Variants in SHOC1 observed in about 807,000 individuals in gnomAD.
SHOC1 encodes the protein protein shortage in chiasmata 1 ortholog.
SHOC1 carries 136 observed loss-of-function variants against 179.2 expected under a neutral mutation model. The observed-to-expected ratio is 0.76, with a 90% CI of 0.66 to 0.87. SHOC1 has a LOEUF of 0.87. Among genes scored for constraint, SHOC1 ranks in the 40% least tolerant of loss-of-function variants. SHOC1 has a pLI of 0.00. For synonymous variants in SHOC1, 489 were observed against 586.6 expected, an observed-to-expected ratio of 0.83 and a Z score of 2.41; for missense variants, 1,538 against 1,700.8, an observed-to-expected ratio of 0.90 and a Z score of 1.68.
intron 11 of SHOC1, among the ~76,000 whole-genome samples, chr9:111,739,545 A>C (rs1319421146): frequency 2.6e-5 from 4 of 152,120 alleles, no homozygotes; most frequent in Non-Finnish European, 5.9e-5. Context: ...ATTTTATATA[A>C]ATGGAATTAT....
intron 9 of SHOC1, 35 bp downstream of exon 9, chr9:111,748,057 C>G (rs750874927): frequency 2.2e-6 from 3 of 1,370,668 alleles, no homozygotes; most frequent in Admixed American, 3.4e-5. Flanking sequence ...AATAGGTAAT[C>G]CCCAATAAGC....
intron 1 of SHOC1, among the ~76,000 whole-genome samples, chr9:111,794,370 G>C (rs1192041475): frequency 2.4e-4 from 36 of 151,554 alleles, no homozygotes; most frequent in Non-Finnish European, 1.5e-5. Flanking sequence ...GATCACTTGA[G>C]GTCAGGAGTT....
chr9:111,714,481 C>A lies in SHOC1; in HGVS notation c.2379G>T (p.Gln793His). The change falls in exon 17 of 28, where the codon CAG becomes CAT. Residue 793 changes from glutamine (Q) to histidine (H), a missense_variant. Transcript: ENST00000682961. The part of the protein sequence containing the change: ...TNYKIQELQC[Q>H]ILSWMQSQQQ... ...GTTGACTTTGCATCCAACTTAGTAT[C>A]TGACATTGCAATTCTTGTATCTTGT... The A allele has an allele frequency of 6.2e-7, 1 of 1,613,966 alleles. No individual in the cohort carries two copies.
intron 17 of SHOC1, among the ~76,000 whole-genome samples, chr9:111,713,998 T>C (rs1194521869): frequency 1.3e-5 from 2 of 152,152 alleles, no homozygotes; most frequent in Non-Finnish European, 2.9e-5. Flanking sequence ...AGGAAAACTA[T>C]GCATAATAAA....
rs1452730011 is a variant in SHOC1, at chr9:111,705,164, T to TACACACACAC, written c.2855+82_2855+83insGTGTGTGTGT. 70 of 81,380 alleles carry TACACACACAC rather than the reference T, an allele frequency of 8.6e-4. No individual in the cohort carries two copies. The East Asian group carries it at 0.01, about 12-fold the overall frequency. 5.0% of individuals were successfully genotyped at this position (81,380 alleles called of 1,614,324 possible). On this transcript the variant is annotated intron_variant, in intron 21 of 27. Coordinates refer to ENST00000682961, the MANE Select transcript of SHOC1 (RefSeq NM_001378211.1). ...CAGCATAATATTTAGCCTATCAGAA[T>TACACACACAC]ATATATACACACACACACACACACA...
At chr9:111,709,737 T>A (rs1219451965) in intron 18 of SHOC1, among the ~76,000 whole-genome samples, 1 of 152,174 alleles carries the variant, frequency 6.6e-6, no homozygotes, top group African/African-American at 2.4e-5. Flanking sequence ...CAGTAATAAC[T>A]TAATTGTACA....
intron 12 of SHOC1, among the ~76,000 whole-genome samples, chr9:111,733,415 G>C (rs1306537927): frequency 1.3e-5 from 2 of 152,136 alleles, no homozygotes; most frequent in African/African-American, 4.8e-5. Flanking sequence ...GTAAGTCCTG[G>C]GAACTACAGC....
intron 10 of SHOC1, among the ~76,000 whole-genome samples, chr9:111,743,686 T>C (rs1428311289): frequency 6.6e-6 from 1 of 152,226 alleles, no homozygotes; most frequent in Non-Finnish European, 1.5e-5. Flanking sequence ...AATGTCTTAC[T>C]ATGGCTAATT....
At chr9:111,785,054 T>C (rs1836214268) in intron 3 of SHOC1, among the ~76,000 whole-genome samples, 1 of 152,184 alleles carries the variant, frequency 6.6e-6, no homozygotes, top group Non-Finnish European at 1.5e-5. Context: ...CTCAGTCCCT[T>C]TTTCATTACC....
intron 5 of SHOC1, among the ~76,000 whole-genome samples, chr9:111,768,228 A>AT (rs34176159): frequency 0.2 from 29,083 of 142,562 alleles, 2,933 homozygotes; most frequent in African/African-American, 0.22. Context: ...TGTATGTTAA[A>AT]TTTTTTTTTT....
At chr9:111,783,222 C>T (rs1202323385) in intron 3 of SHOC1, among the ~76,000 whole-genome samples, 1 of 152,074 alleles carries the variant, frequency 6.6e-6, no homozygotes, top group African/African-American at 2.4e-5. Context: ...AGCAAAATTC[C>T]CCAAAATATT....
chr9:111,779,649 A>G (rs1018818393), intron 4 of SHOC1, among the ~76,000 whole-genome samples: 1 of 152,170 alleles, frequency 6.6e-6, no homozygotes, highest in Non-Finnish European at 1.5e-5. Context: ...TCATAAGGTG[A>G]AAAGACATCT....
chr9:111,755,080 T>C (rs1477444340), intron 8 of SHOC1, among the ~76,000 whole-genome samples: 1 of 152,222 alleles, frequency 6.6e-6, no homozygotes, highest in Non-Finnish European at 1.5e-5. Flanking sequence ...ATAAGTTTCC[T>C]TGTTAGAAGT....
At chr9:111,764,506 A>G (rs898089506) in intron 5 of SHOC1, among the ~76,000 whole-genome samples, 1 of 152,248 alleles carries the variant, frequency 6.6e-6, no homozygotes, top group African/African-American at 2.4e-5. Context: ...TCAGCTACAA[A>G]TAGTATTTAT....
chr9:111,701,045 T>C (rs998626208), intron 23 of SHOC1, among the ~76,000 whole-genome samples: 5 of 152,196 alleles, frequency 3.3e-5, no homozygotes, highest in African/African-American at 1.2e-4. Flanking sequence ...TTTGCTGACT[T>C]TGCATTATAG....
intron 13 of SHOC1, 45 bp from the exon 14 acceptor site, chr9:111,723,956 AACTT>A (rs1833185319): frequency 7.3e-7 from 1 of 1,373,646 alleles, no homozygotes; most frequent in Admixed American, 2.6e-5. Flanking sequence ...GTTCAAGAGA[AACTT>A]AATGTTGTTT....
intron 13 of SHOC1, 31 bp downstream of exon 13, chr9:111,727,602 A>G (rs755561431): frequency 2.6e-6 from 4 of 1,528,682 alleles, no homozygotes; most frequent in Middle Eastern, 1.8e-4. Context: ...AGCCTACCAT[A>G]TCTACGGCAA....
intron 5 of SHOC1, among the ~76,000 whole-genome samples, chr9:111,767,551 G>GT (rs926522808): frequency 4.6e-5 from 7 of 152,078 alleles, no homozygotes; most frequent in Non-Finnish European, 7.4e-5. Context: ...TTATATGTCT[G>GT]TTTTTATGCC....
In SHOC1 at chr9:111,694,283, C is replaced by G. The variant is rs932842283; in HGVS notation, c.3263G>C (p.Arg1088Thr). Reference sequence around the variant, plus strand: ...TTTATCCAACCATTCATGAGGATCTCTCTTTGAGGTCATTAAACTGTGGTC... The same window carrying G: ...TTTATCCAACCATTCATGAGGATCTGTCTTTGAGGTCATTAAACTGTGGTC... ...IADHSLMTSK[R>T]DPHEWLDKSW... is the part of the protein sequence containing the mutation. Residue 1088 changes from arginine to threonine, a missense_variant, in exon 25 of 28, where the codon AGA (arginine) becomes ACA (threonine). Coordinates refer to ENST00000682961, the MANE Select transcript of SHOC1 (RefSeq NM_001378211.1). 1.2e-6 allele frequency: 2 copies of G among 1,612,134 alleles called. No homozygotes were observed. Among genetic ancestry groups the G allele is most frequent in the Admixed American group, 3.3e-5 (2 of 59,996 alleles).
Sources: gnomAD v4.1 joint callset for allele counts (sites outside exome capture counted in the v4.1 genomes callset) on GRCh38, gnomAD v4.1.1 for gene constraint, MANE v1.5 for transcripts, NCBI Gene and HGNC (gene_info 2026-07-23, HGNC 2026-07-21) for gene names.